CHMP3: variants seen among roughly 807,000 people sequenced by gnomAD.
CHMP3 encodes the protein charged multivesicular body protein 3.
A neutral mutation model predicts 27.4 loss-of-function variants in CHMP3; 8 were observed. That is an observed-to-expected ratio of 0.29 (90% confidence interval 0.17 to 0.53). The LOEUF is 0.53. CHMP3 is among the 20% of genes least tolerant of loss of function. The pLI, the probability that CHMP3 is intolerant of heterozygous loss-of-function variation, is 0.96. For synonymous variants in CHMP3, 86 were observed against 85.5 expected (o/e 1.01, Z -0.03); for missense variants, 208 against 271.5 (o/e 0.77, Z 1.64).
In CHMP3 at chr2:86,505,481, T is replaced by C. The variant is rs1229029390; in HGVS notation, c.*323A>G. 1 of 212,212 alleles carries C rather than the reference T, an allele frequency of 4.7e-6. No individual in the cohort carries two copies. Among genetic ancestry groups the C allele is most frequent in the African/African-American group, 2.3e-5 (1 of 43,790 alleles). 13.1% of individuals were successfully genotyped at this position (212,212 alleles called of 1,614,324 possible). ...GCAAAAATTTATTAAAATTCATTTA[T>C]ATAGTGTTTTATAGACAAAAGTAGA... On this transcript the variant is annotated 3_prime_UTR_variant, in exon 6 of 6. Coordinates refer to ENST00000263856, the MANE Select transcript of CHMP3 (RefSeq NM_016079.4).
intron 1 of CHMP3, among the ~76,000 whole-genome samples, chr2:86,548,160 A>G (rs2104006952): frequency 6.6e-6 from 1 of 150,628 alleles, no homozygotes; most frequent in South Asian, 2.1e-4. Context: ...TTATGATTTC[A>G]GGTTAGAGGA....
chr2:86,517,391 C>A (rs1675351839), intron 3 of CHMP3, among the ~76,000 whole-genome samples: 1 of 151,580 alleles, frequency 6.6e-6, no homozygotes, highest in African/African-American at 2.4e-5. Context: ...ACAGTGAAAC[C>A]TGGTCTCTAC....
At chr2:86,550,867 G>A (rs1676880826) in intron 1 of CHMP3, among the ~76,000 whole-genome samples, 1 of 152,136 alleles carries the variant, frequency 6.6e-6, no homozygotes, top group Non-Finnish European at 1.5e-5. Context: ...GTAATCTAGA[G>A]ATTAAAGTAC....
At chr2:86,510,273 C>CCCCCCCCCAAAA in intron 4 of CHMP3, 85 bp downstream of exon 4, 1 of 1,306,790 alleles carries the variant, frequency 7.7e-7, no homozygotes, top group Non-Finnish European at 1.1e-6. Context: ...TGTTCATCCC[C>CCCCCCCCCAAAA]ACCCACCCTC....
At chr2:86,549,158 C>T (rs1400056754) in intron 1 of CHMP3, among the ~76,000 whole-genome samples, 57 of 133,312 alleles carry the variant, frequency 4.3e-4, no homozygotes, top group Non-Finnish European at 7.2e-4. Context: ...ACGGGGCGGC[C>T]GGGCAGAGGC....
intron 3 of CHMP3, among the ~76,000 whole-genome samples, chr2:86,514,652 A>C (rs1319208579): frequency 6.6e-6 from 1 of 152,244 alleles, no homozygotes; most frequent in East Asian, 1.9e-4. Context: ...TGCAATCAAC[A>C]AATAGGTGCT....
chr2:86,517,534 C>A (rs1056828044), intron 3 of CHMP3, among the ~76,000 whole-genome samples: 6 of 145,728 alleles, frequency 4.1e-5, no homozygotes, highest in Admixed American at 1.4e-4. Context: ...CCACCGCACT[C>A]CAGCCTGGGA....
At chr2:86,555,170 G>T (rs968896285) in intron 1 of CHMP3, among the ~76,000 whole-genome samples, 1 of 152,024 alleles carries the variant, frequency 6.6e-6, no homozygotes, top group African/African-American at 2.4e-5. Context: ...TGTTGTCATA[G>T]ATTTATACAA....
chr2:86,505,982 TG>T lies in CHMP3; in HGVS notation c.524-34del. 3 of 1,501,348 alleles carry T rather than the reference TG, an allele frequency of 2.0e-6. No homozygotes were observed. In the East Asian group the frequency reaches 7.4e-5, roughly 37 times the overall value. The allele number at this position is 1,501,348 out of a possible 1,614,324, so 93.0% of individuals were successfully genotyped here. On this transcript the variant is annotated intron_variant, in intron 5 of 5. Coordinates refer to ENST00000263856, the MANE Select transcript of CHMP3 (RefSeq NM_016079.4). ...GAAAGAGCAAAGATGAACACCACATTGGCTTAAGGAAGCAGCCCCTCAATCT... is the reference window on the plus strand; with the variant it reads ...GAAAGAGCAAAGATGAACACCACATTGCTTAAGGAAGCAGCCCCTCAATCT...
At chr2:86,520,582 A>G (rs995152659) in intron 3 of CHMP3, among the ~76,000 whole-genome samples, 1 of 152,226 alleles carries the variant, frequency 6.6e-6, no homozygotes, top group South Asian at 2.1e-4. Context: ...GCCAAATCAT[A>G]TCAAAGTCTG....
intron 1 of CHMP3, among the ~76,000 whole-genome samples, chr2:86,550,983 C>T (rs1676885763): frequency 6.6e-6 from 1 of 152,186 alleles, no homozygotes; most frequent in Non-Finnish European, 1.5e-5. Flanking sequence ...GGAACCAATC[C>T]TCCTCAGATA....
chr2:86,517,441 C>T (rs921914535), intron 3 of CHMP3, among the ~76,000 whole-genome samples: 13 of 151,634 alleles, frequency 8.6e-5, no homozygotes, highest in Non-Finnish European at 1.9e-4. Context: ...TGGCGGGCAC[C>T]TGTAGTCCCA....
chr2:86,559,068 G>A (rs908267666), intron 1 of CHMP3, among the ~76,000 whole-genome samples: 20 of 152,168 alleles, frequency 1.3e-4, no homozygotes, highest in African/African-American at 4.8e-4. Context: ...ATGTCTATGA[G>A]GGTGTTTCTG....
At chr2:86,554,832 T>C (rs1177048087) in intron 1 of CHMP3, among the ~76,000 whole-genome samples, 1 of 146,026 alleles carries the variant, frequency 6.8e-6, no homozygotes, top group East Asian at 2.1e-4. Flanking sequence ...TGTGTGTGTG[T>C]GTGTGTGTGT....
chr2:86,514,255 T>A (rs529509332), intron 3 of CHMP3, among the ~76,000 whole-genome samples: 5 of 152,344 alleles, frequency 3.3e-5, no homozygotes, highest in Non-Finnish European at 7.3e-5. Context: ...AATTCTGTTC[T>A]AATATAAGCC....
chr2:86,528,078 A>G (rs1013520672), intron 3 of CHMP3, among the ~76,000 whole-genome samples: 5 of 152,192 alleles, frequency 3.3e-5, no homozygotes, highest in African/African-American at 1.2e-4. Context: ...TATTCTCTTC[A>G]GTATCTCGAG....
chr2:86,536,921 C>G (rs1001404148), intron 2 of CHMP3, among the ~76,000 whole-genome samples: 1 of 151,880 alleles, frequency 6.6e-6, no homozygotes, highest in Non-Finnish European at 1.5e-5. Context: ...TAGACAGGGT[C>G]TTGCTCTGTT....
rs1251246057 is a variant in CHMP3, at chr2:86,503,780, A to T, written c.*2024T>A. On this transcript the variant is annotated 3_prime_UTR_variant, in exon 6 of 6. Coordinates refer to ENST00000263856, the MANE Select transcript of CHMP3 (RefSeq NM_016079.4). The stretch of plus-strand genomic sequence containing the variant: ...GACAGTAAAAAGTGGTTGCCAAAGA[A>T]AGATCATGTCCTTTGCAGGAACATG... 2.0e-5 allele frequency: 3 copies of T among 152,268 alleles called. No homozygotes were observed. Among genetic ancestry groups the T allele is most frequent in the African/African-American group, 7.2e-5 (3 of 41,470 alleles). The allele number at this position is 152,268 out of a possible 1,614,324, so 9.4% of individuals were successfully genotyped here. A position where few individuals can be genotyped will look rare whatever the true frequency, so the allele number is the denominator to read the frequency against.
intron 4 of CHMP3, 84 bp downstream of exon 4, chr2:86,510,274 A>AAAC: frequency 4.5e-6 from 3 of 664,026 alleles, no homozygotes; most frequent in Non-Finnish European, 7.7e-6. Context: ...GTTCATCCCC[A>AAAC]CCCACCCTCA....
Sources: allele counts gnomAD v4.1 joint callset (sites outside exome capture counted in the v4.1 genomes callset), GRCh38; gene constraint gnomAD v4.1.1; transcripts MANE v1.5; gene names NCBI Gene and HGNC (gene_info 2026-07-23, HGNC 2026-07-21).